The following BFSP1 variants were observed in gnomAD, a reference collection of about 807,000 sequenced individuals.
The protein encoded by BFSP1 is beaded filament structural protein 1.
In BFSP1, 38 loss-of-function variants were observed where a neutral mutation model predicts 43.9. That is an observed-to-expected ratio of 0.87 (90% confidence interval 0.67 to 1.14). BFSP1 has a LOEUF of 1.14. Ranked by LOEUF, BFSP1 falls within the 50% of genes most tolerant of loss-of-function variation. The pLI, the probability that BFSP1 is intolerant of heterozygous loss-of-function variation, is 0.00. For missense variants in BFSP1, 850 were observed against 875.1 expected, an observed-to-expected ratio of 0.97 and a Z score of 0.36; for synonymous variants, 352 against 354.8, an observed-to-expected ratio of 0.99 and a Z score of 0.09.
intron 1 of BFSP1, among the ~76,000 whole-genome samples, chr20:17,530,377 A>G (rs1022615125): frequency 6.6e-6 from 1 of 152,266 alleles, no homozygotes; most frequent in African/African-American, 2.4e-5. Context: ...TCTGTAAAAC[A>G]GGTGCAGTAA....
intron 6 of BFSP1, 59 bp from the exon 7 acceptor site, chr20:17,497,082 C>T (rs1040493100): frequency 9.2e-6 from 12 of 1,300,626 alleles, no homozygotes; most frequent in Middle Eastern, 1.9e-4. Context: ...GAGCGACTCT[C>T]GTTAATGTTG....
intron 1 of BFSP1, among the ~76,000 whole-genome samples, chr20:17,568,026 A>G (rs752251882): frequency 9.2e-5 from 14 of 151,880 alleles, no homozygotes; most frequent in Non-Finnish European, 1.9e-4. Context: ...GCGAAGGGTG[A>G]TAGGAACATC....
Position 17,494,949 on chromosome 20 carries a change from CTT to C in BFSP1, c.1121_1122del (p.Lys374ArgfsTer31). ...KALPKNVPRR[K>X]EIITKDKTNG... Reference sequence around the variant, plus strand: ...TTGGTTTTGTCTTTTGTTATAATCTCTTTTCTCCTTGGAACATTCTTGGGGAG... The same window carrying C: ...TTGGTTTTGTCTTTTGTTATAATCTCTTCTCCTTGGAACATTCTTGGGGAG... On this transcript the variant is annotated frameshift_variant, in exon 8 of 8. Coordinates refer to ENST00000377873, the MANE Select transcript of BFSP1 (RefSeq NM_001195.5). LOFTEE classifies it low-confidence loss of function (END_TRUNC). 6.2e-7 allele frequency: 1 copy of C among 1,614,176 alleles called. No homozygotes were observed. The highest frequency in any genetic ancestry group is 8.5e-7 in the Non-Finnish European group (1 of 1,180,032).
intron 1 of BFSP1, among the ~76,000 whole-genome samples, chr20:17,566,680 A>T (rs2035123330): frequency 6.6e-6 from 1 of 152,050 alleles, no homozygotes; most frequent in Admixed American, 6.5e-5. Context: ...TTTGAGACAC[A>T]GTCTCGCTCT....
chr20:17,512,748 G>A (rs77482701), intron 3 of BFSP1, among the ~76,000 whole-genome samples: 2,286 of 152,148 alleles, frequency 0.015, 58 homozygotes, highest in African/African-American at 0.051. Flanking sequence ...AGGCCCTGGA[G>A]GGCACAAAGG....
chr20:17,505,713 C>T (rs1364429174), intron 5 of BFSP1, among the ~76,000 whole-genome samples: 1 of 152,240 alleles, frequency 6.6e-6, no homozygotes, highest in Non-Finnish European at 1.5e-5. Flanking sequence ...CATTCGCCCA[C>T]TCCCTGGGAC....
upstream of BFSP1, among the ~76,000 whole-genome samples, chr20:17,561,130 T>G (rs4814625): frequency 1 from 152,286 of 152,286 alleles, 76,143 homozygotes; most frequent in Non-Finnish European, 1. Context: ...TTCCTTGTTT[T>G]CCCCTTTCTG....
At chr20:17,532,273 C>T (rs2034559042), upstream of BFSP1, among the ~76,000 whole-genome samples, 3 of 152,134 alleles carry the variant, frequency 2.0e-5, no homozygotes, top group South Asian at 6.2e-4. Flanking sequence ...GGCGTGGTGG[C>T]GTGTGCCAGT....
At chr20:17,565,329 CTT>C (rs1372867933) in intron 1 of BFSP1, among the ~76,000 whole-genome samples, 1 of 152,140 alleles carries the variant, frequency 6.6e-6, no homozygotes, top group East Asian at 1.9e-4. Context: ...TTCCTTTTGA[CTT>C]AGTAATTTTA....
chr20:17,557,800 G>A (rs745762038), intron 1 of BFSP1, among the ~76,000 whole-genome samples: 2 of 152,180 alleles, frequency 1.3e-5, no homozygotes, highest in Non-Finnish European at 1.5e-5. Flanking sequence ...GAGTCACGCT[G>A]CTCTGTTAAT....
At chr20:17,523,649 G>A (rs970569538) in intron 2 of BFSP1, among the ~76,000 whole-genome samples, 21 of 149,380 alleles carry the variant, frequency 1.4e-4, no homozygotes, top group African/African-American at 5.2e-4. Flanking sequence ...TTCTATCTAG[G>A]GTGCCCAAGT....
chr20:17,502,930 T>C (rs1000696538), intron 5 of BFSP1, among the ~76,000 whole-genome samples: 14 of 152,190 alleles, frequency 9.2e-5, no homozygotes, highest in African/African-American at 3.1e-4. Context: ...AGTGTTGGAA[T>C]TACATGGTGA....
intron 1 of BFSP1, among the ~76,000 whole-genome samples, chr20:17,542,034 G>A (rs867845198): frequency 2.6e-4 from 39 of 152,144 alleles, no homozygotes; most frequent in African/African-American, 9.2e-4. Flanking sequence ...TGATGTCCTC[G>A]TAACCTCCAA....
chr20:17,553,853 A>ATG, intron 1 of BFSP1, among the ~76,000 whole-genome samples: 1 of 83,262 alleles, frequency 1.2e-5, no homozygotes, highest in Admixed American at 1.2e-4. Context: ...ATATATACAT[A>ATG]TATATACACA....
rs138316527 is a variant in BFSP1 at position 17,515,311 on chromosome 20, A to T, written c.439-495T>A. 8.7e-3 allele frequency among the ~76,000 whole-genome samples: 1,327 copies of T among 152,280 alleles called. 3 individuals carry two copies. The highest frequency in any genetic ancestry group is 0.017 in the Middle Eastern group (5 of 294). ...AAGTTAATATTTAAGTAACGTCTAT[A>T]TTTGTTCTATATCTCATCATCAGTG... On this transcript the variant is annotated intron_variant, in intron 2 of 7. Transcript: ENST00000377873.
intron 1 of BFSP1, among the ~76,000 whole-genome samples, chr20:17,551,811 C>T (rs1478194545): frequency 6.6e-6 from 1 of 151,934 alleles, no homozygotes; most frequent in African/African-American, 2.4e-5. Context: ...GGTGAAACCT[C>T]GTCTCTACTA....
intron 1 of BFSP1, among the ~76,000 whole-genome samples, chr20:17,554,444 C>A (rs2034957256): frequency 1.3e-5 from 2 of 152,130 alleles, no homozygotes; most frequent in African/African-American, 2.4e-5. Flanking sequence ...CAAGCCCGAG[C>A]AGAATGTATC....
intron 1 of BFSP1, among the ~76,000 whole-genome samples, chr20:17,548,637 G>C (rs1227095673): frequency 6.6e-6 from 1 of 152,126 alleles, no homozygotes; most frequent in Admixed American, 6.5e-5. Flanking sequence ...TCTTCTCCAA[G>C]GGGCTTTTAT....
Position 17,511,861 on chromosome 20 carries a change from G to T in BFSP1, c.627+115C>A. 3 of 741,766 alleles carry T rather than the reference G, an allele frequency of 4.0e-6. No individual in the cohort carries two copies. The Admixed American group carries it at 7.4e-5, about 18-fold the overall frequency. The allele number at this position is 741,766 out of a possible 1,614,324, so 45.9% of individuals were successfully genotyped here. A position where few individuals can be genotyped will look rare whatever the true frequency, so the allele number is the denominator to read the frequency against. ...TCAGATGAGAATACAAGGCAGGAGT[G>T]GGGAGTGGACCCTGGTGGCCGCCCT... On this transcript the variant is annotated intron_variant, in intron 4 of 7. Coordinates refer to ENST00000377873, the MANE Select transcript of BFSP1 (RefSeq NM_001195.5).
Sources: allele counts gnomAD v4.1 joint callset (sites outside exome capture counted in the v4.1 genomes callset), GRCh38; gene constraint gnomAD v4.1.1; transcripts MANE v1.5; gene names NCBI Gene and HGNC (gene_info 2026-07-23, HGNC 2026-07-21).